C2: variants seen among roughly 807,000 people sequenced by gnomAD.
C2 encodes C3/C5 convertase.
In C2, 64 loss-of-function variants were observed where a neutral mutation model predicts 85.2. That is an observed-to-expected ratio of 0.75 (90% confidence interval 0.61 to 0.92). The LOEUF is 0.92. Among genes scored for constraint, C2 ranks in the 40% least tolerant of loss-of-function variants. The pLI is 0.00. For synonymous variants in C2, 311 were observed against 370.8 expected (o/e 0.84, Z 1.85); for missense variants, 820 against 971.6 (o/e 0.84, Z 2.07).
rs760856379 is a variant in C2 at position 31,928,076 on chromosome 6, C to T, written c.168C>T (p.Tyr56=). The part of the protein sequence containing the change: ...LLTYSCPQGL[Y]PSPASRLCKS... ...CCTACTCCTGCCCCCAGGGCCTGTACCCATCCCCAGCATCACGGCTGTGCA... is the reference window on the plus strand; with the variant it reads ...CCTACTCCTGCCCCCAGGGCCTGTATCCATCCCCAGCATCACGGCTGTGCA... The change falls in exon 2 of 18, where the codon TAC becomes TAT. Residue 56 remains tyrosine (Y), a synonymous_variant. Coordinates refer to ENST00000299367, the MANE Select transcript of C2 (RefSeq NM_000063.6). The T allele has an allele frequency of 1.9e-6, 3 of 1,614,114 alleles. No individual in the cohort carries two copies. Among genetic ancestry groups the T allele is most frequent in the South Asian group, 2.2e-5 (2 of 91,086 alleles).
In C2 at chr6:31,942,983, A is replaced by G; in HGVS notation, c.1244A>G (p.Lys415Arg). The G allele has an allele frequency of 1.9e-6, 3 of 1,613,096 alleles. No individual in the cohort carries two copies. Among genetic ancestry groups the G allele is most frequent in the Non-Finnish European group, 2.5e-6 (3 of 1,180,038 alleles). ...GACATCTATGCCATCGGGGTGGGCA[A>G]GCTGGATGTGGACTGGAGAGAACTG... ...YLDIYAIGVG[K>R]LDVDWRELNE... Residue 415 changes from lysine (K) to arginine (R), a missense_variant, in exon 10 of 18, where the codon AAG (lysine) becomes AGG (arginine). Physicochemically the swap from Lys to Arg is conservative, Grantham distance 26 (BLOSUM62 2). Transcript: ENST00000299367.
At chr6:31,900,613 C>A, upstream of C2, 1 of 1,612,750 alleles carries the variant, frequency 6.2e-7, no homozygotes, top group Non-Finnish European at 8.5e-7. The surrounding 1 kb of genome is among the most constrained non-coding windows in gnomAD (Gnocchi z 9.7). Context: ...TGCCCAGACC[C>A]CCTCCCAGGC....
At chr6:31,930,952 G>T (rs1769688811) in intron 3 of C2, among the ~76,000 whole-genome samples, 1 of 152,196 alleles carries the variant, frequency 6.6e-6, no homozygotes, top group Admixed American at 6.5e-5. Context: ...GACAGAATGA[G>T]GTTCCCTCTT....
At chr6:31,907,810 T>C (rs1251549616) in intron 1 of C2, among the ~76,000 whole-genome samples, 1 of 141,720 alleles carries the variant, frequency 7.1e-6, no homozygotes, top group Non-Finnish European at 1.5e-5. Context: ...CTGGAGTAGC[T>C]GGGACTACAG....
chr6:31,924,009 C>T (rs1002604900), upstream of C2, among the ~76,000 whole-genome samples: 2 of 149,854 alleles, frequency 1.3e-5, no homozygotes, highest in African/African-American at 4.9e-5. Context: ...ACCGTGTTAG[C>T]CAGGATTGTC....
Position 31,944,318 on chromosome 6 carries a change from C to G in C2, c.1902+92C>G. ...CTCCAGGTCTGGCTGCTTTCTCTCT[C>G]TGACGCGGGTCACCCCTCCTCCCAA... On this transcript the variant is annotated intron_variant, in intron 15 of 17. Coordinates refer to ENST00000299367, the MANE Select transcript of C2 (RefSeq NM_000063.6). The surrounding 1 kb of genome is among the most constrained non-coding windows in gnomAD (Gnocchi z 5.1). The G allele has an allele frequency of 1.1e-6, 1 of 912,912 alleles. No individual in the cohort carries two copies. Among genetic ancestry groups the G allele is most frequent in the South Asian group, 1.3e-5 (1 of 74,542 alleles). The allele number at this position is 912,912 out of a possible 1,614,324, so 56.6% of individuals were successfully genotyped here. A position where few individuals can be genotyped will look rare whatever the true frequency, so the allele number is the denominator to read the frequency against.
chr6:31,928,000 C>T lies in C2; in HGVS notation c.92C>T (p.Ser31Leu), dbSNP rs200412106. 140 of 1,614,184 alleles carry T rather than the reference C, an allele frequency of 8.7e-5. No homozygotes were observed. In the Admixed American group the frequency reaches 1.1e-3, roughly 13 times the overall value. ...TCCTGCCCTCAGAACGTGAATATCT[C>T]GGGTGGCACCTTCACCCTCAGCCAT... ...APSCPQNVNI[S>L]GGTFTLSHGW... Residue 31 changes from serine (S) to leucine (L), a missense_variant, in exon 2 of 18, where the codon TCG becomes TTG. Physicochemically the swap from Ser to Leu is moderately radical, Grantham distance 145. Transcript: ENST00000299367. This position sits in a 1 kb window ranked among gnomAD's most constrained non-coding sequence, Gnocchi z 4.7.
Position 31,939,199 on chromosome 6 carries a change from C to T in C2, c.1130-32C>T, listed in dbSNP as rs1239991881. The T allele has an allele frequency of 2.7e-6, 4 of 1,478,668 alleles. No homozygotes were observed. The Admixed American group carries it at 5.0e-5, about 19-fold the overall frequency. 91.6% of individuals were successfully genotyped at this position (1,478,668 alleles called of 1,614,324 possible). ...AGGGCCTGGGGAAATCCTGATATTA[C>T]CTAGAAGAATTCTTTATTCTCTTTG... On this transcript the variant is annotated intron_variant, in intron 8 of 17. Transcript: ENST00000299367.
chr6:31,915,925 A>T (rs1161645685), upstream of C2, among the ~76,000 whole-genome samples: 1 of 152,194 alleles, frequency 6.6e-6, no homozygotes. Flanking sequence ...ACTGGCTCAC[A>T]TATCTCTCTC....
chr6:31,938,746 G>A (rs537431423), intron 8 of C2, among the ~76,000 whole-genome samples: 190 of 152,174 alleles, frequency 1.2e-3, no homozygotes, highest in African/African-American at 4.1e-3. Context: ...CGCAACCTCC[G>A]CCTCCCAGGT....
chr6:31,915,844 G>A (rs1319902929), upstream of C2, among the ~76,000 whole-genome samples: 1 of 152,228 alleles, frequency 6.6e-6, no homozygotes, highest in Non-Finnish European at 1.5e-5. Context: ...ATCCTATCAT[G>A]TGCCTGGAAG....
rs779793398 is a variant in C2 at position 31,933,674 on chromosome 6, T to C, written c.507T>C (p.His169=). ...TGCGGACAGGCTTCCGCTTTGGTCA[T>C]GGGGACAAGGTCCGCTATCGCTGCT... ...GAVRTGFRFG[H]GDKVRYRCSS... The change falls in exon 4 of 18, where the codon CAT becomes CAC. Residue 169 remains histidine (H), a synonymous_variant. Coordinates refer to ENST00000299367, the MANE Select transcript of C2 (RefSeq NM_000063.6). The C allele has an allele frequency of 6.2e-7, 1 of 1,613,138 alleles. No individual in the cohort carries two copies. Among genetic ancestry groups the C allele is most frequent in the Non-Finnish European group, 8.5e-7 (1 of 1,180,056 alleles).
chr6:31,943,286 C>T lies in C2; in HGVS notation c.1422C>T (p.Asp474=). 6.2e-7 allele frequency: 1 copy of T among 1,613,006 alleles called. No individual in the cohort carries two copies. The highest frequency in any genetic ancestry group is 2.2e-5 in the East Asian group (1 of 44,886). Reference sequence around the variant, plus strand: ...GGAACATGTCAGCAAACGCCTCTGACCAGGAGAGGACACCCTGGCATGTCA... The same window carrying T: ...GGAACATGTCAGCAAACGCCTCTGATCAGGAGAGGACACCCTGGCATGTCA... The part of the protein sequence containing the change: ...GVGNMSANAS[D]QERTPWHVTI... Residue 474 remains aspartate, a synonymous_variant, in exon 11 of 18, where the codon GAC becomes GAT. Coordinates refer to ENST00000299367, the MANE Select transcript of C2 (RefSeq NM_000063.6). The surrounding 1 kb of genome is among the most constrained non-coding windows in gnomAD (Gnocchi z 6.4).
At chr6:31,900,305 T>C (rs1396744425), upstream of C2, 8 of 1,612,232 alleles carry the variant, frequency 5.0e-6, no homozygotes, top group African/African-American at 2.7e-5. The surrounding 1 kb of genome is among the most constrained non-coding windows in gnomAD (Gnocchi z 9.7). Flanking sequence ...CTTGGTGCAC[T>C]TGATGTTCTT....
intron 2 of C2, 26 bp downstream of exon 2, chr6:31,928,190 A>AG: frequency 6.3e-7 from 1 of 1,587,522 alleles, no homozygotes; most frequent in Non-Finnish European, 8.5e-7. Flanking sequence ...GGCTTTGCTC[A>AG]GGGTGCTACA....
At chr6:31,923,441 G>A (rs781262438), upstream of C2, among the ~76,000 whole-genome samples, 1 of 152,096 alleles carries the variant, frequency 6.6e-6, no homozygotes. Context: ...GGCCACACAC[G>A]CCATCTCAGC....
At chr6:31,940,464 C>T (rs1312535672) in intron 9 of C2, among the ~76,000 whole-genome samples, 6 of 152,312 alleles carry the variant, frequency 3.9e-5, no homozygotes, top group Admixed American at 1.3e-4. Context: ...GGAAAAATTC[C>T]TCAGGTTCAG....
upstream of C2, chr6:31,900,319 G>C (rs1330532436): frequency 1.9e-6 from 3 of 1,611,604 alleles, no homozygotes; most frequent in African/African-American, 1.3e-5. This position sits in a 1 kb window ranked among gnomAD's most constrained non-coding sequence, Gnocchi z 9.7. Flanking sequence ...TGTTCTTTAA[G>C]GGGTTTCCAC....
At chr6:31,911,431 A>G (rs984242689) in intron 1 of C2, among the ~76,000 whole-genome samples, 3 of 152,220 alleles carry the variant, frequency 2.0e-5, no homozygotes, top group African/African-American at 7.2e-5. Context: ...TTTTGCAACT[A>G]AACATTTGGG....
Sources: allele counts gnomAD v4.1 joint callset (sites outside exome capture counted in the v4.1 genomes callset), GRCh38; gene constraint gnomAD v4.1.1; non-coding constraint Gnocchi (gnomAD v3.1); transcripts MANE v1.5; gene names NCBI Gene and HGNC (gene_info 2026-07-23, HGNC 2026-07-21).